The following OTOGL variants were observed in gnomAD, a reference collection of about 807,000 sequenced individuals.
The protein encoded by OTOGL is otogelin-like protein.
OTOGL carries 285 observed loss-of-function variants against 318.5 expected under a neutral mutation model. The observed-to-expected ratio is 0.89, with a 90% CI of 0.81 to 0.99. The LOEUF is 0.99. OTOGL is among the 50% of genes least tolerant of loss of function. OTOGL has a pLI of 0.00. For missense variants in OTOGL, 2,899 were observed against 2,845.6 expected (o/e 1.02, Z -0.43); for synonymous variants, 987 against 936.5 (o/e 1.05, Z -0.99).
intron 7 of OTOGL, 27 bp downstream of exon 7, chr12:80,222,272 T>G (rs749152932): frequency 6.6e-7 from 1 of 1,523,490 alleles, no homozygotes; most frequent in African/African-American, 1.4e-5. Context: ...CATGATTAAC[T>G]TAAAAATATT....
intron 11 of OTOGL, among the ~76,000 whole-genome samples, chr12:80,240,258 AG>A (rs1482538910): frequency 2.0e-5 from 3 of 152,034 alleles, no homozygotes; most frequent in African/African-American, 7.2e-5. Flanking sequence ...GTGGATTGCT[AG>A]ATTATATATG....
intron 1 of OTOGL, among the ~76,000 whole-genome samples, chr12:80,156,525 T>A (rs1873130168): frequency 6.6e-6 from 1 of 152,208 alleles, no homozygotes. Flanking sequence ...ACAGGTCTCA[T>A]CTTGAATTCC....
intron 33 of OTOGL, among the ~76,000 whole-genome samples, chr12:80,319,664 G>A (rs765441362): frequency 5.9e-5 from 9 of 151,956 alleles, no homozygotes; most frequent in East Asian, 1.9e-4. Context: ...TTGATTTTAC[G>A]ATTAGTAATA....
At chr12:80,190,354 TAA>T (rs1005971200) in intron 1 of OTOGL, among the ~76,000 whole-genome samples, 31 of 152,230 alleles carry the variant, frequency 2.0e-4, no homozygotes, top group African/African-American at 7.0e-4. Flanking sequence ...ACAAAATAAT[TAA>T]AGCTGAGTTC....
At chr12:80,102,962 T>C (rs376666111) in intron 1 of OTOGL, 10 of 884,800 alleles carry the variant, frequency 1.1e-5, no homozygotes, top group East Asian at 9.6e-5. Context: ...CTTGGCGAGA[T>C]TTGGCTTTCC....
Position 80,255,189 on chromosome 12 carries a change from A to G in OTOGL, c.1587+4A>G, listed in dbSNP as rs1881929479. The stretch of plus-strand genomic sequence containing the variant: ...ACAGAAAGCTCCCTGTGAGCAGGTA[A>G]GAACATTTCAAAATGACCAGAGGAA... On this transcript the variant is annotated splice_donor_region_variant and intron_variant, in intron 16 of 58. Transcript: ENST00000547103. 2 of 1,474,446 alleles carry G rather than the reference A, an allele frequency of 1.4e-6. No individual in the cohort carries two copies. The highest frequency in any genetic ancestry group is 1.8e-6 in the Non-Finnish European group (2 of 1,116,752). The allele number at this position is 1,474,446 out of a possible 1,614,324, so 91.3% of individuals were successfully genotyped here. A position where few individuals can be genotyped will look rare whatever the true frequency, so the allele number is the denominator to read the frequency against.
chr12:80,240,012 C>T (rs1317973379), intron 11 of OTOGL, among the ~76,000 whole-genome samples: 4 of 152,102 alleles, frequency 2.6e-5, no homozygotes, highest in African/African-American at 9.7e-5. Context: ...TTTCACTTAA[C>T]ATAGTGACCT....
intron 1 of OTOGL, among the ~76,000 whole-genome samples, chr12:80,106,571 C>G (rs1273422829): frequency 6.6e-6 from 1 of 152,090 alleles, no homozygotes; most frequent in Non-Finnish European, 1.5e-5. Context: ...CATATTATAA[C>G]AGGAGTTGAA....
intron 1 of OTOGL, among the ~76,000 whole-genome samples, chr12:80,195,645 T>G (rs914916024): frequency 1.3e-5 from 2 of 152,160 alleles, no homozygotes; most frequent in Non-Finnish European, 2.9e-5. Context: ...TATCAGTCTG[T>G]GGGGCCCACT....
intron 1 of OTOGL, among the ~76,000 whole-genome samples, chr12:80,168,027 G>A (rs1014576912): frequency 3.4e-5 from 5 of 145,970 alleles, no homozygotes; most frequent in South Asian, 2.2e-4. Context: ...CAGTGATCTC[G>A]GCTCACTGCA....
intron 1 of OTOGL, among the ~76,000 whole-genome samples, chr12:80,116,311 C>G (rs1870161152): frequency 6.6e-6 from 1 of 151,984 alleles, no homozygotes. Context: ...AGAGAGTTCC[C>G]CGACCCCTTG....
intron 1 of OTOGL, among the ~76,000 whole-genome samples, chr12:80,170,620 G>C (rs1431706563): frequency 6.6e-6 from 1 of 152,062 alleles, no homozygotes; most frequent in Non-Finnish European, 1.5e-5. Flanking sequence ...TTTTAGAAGA[G>C]ATGGGGTTTC....
At chr12:80,202,358 C>A (rs572816970) in intron 1 of OTOGL, among the ~76,000 whole-genome samples, 1 of 151,516 alleles carries the variant, frequency 6.6e-6, no homozygotes, top group South Asian at 2.1e-4. Context: ...GCAACCTCCA[C>A]CTCCCAGGTT....
intron 37 of OTOGL, among the ~76,000 whole-genome samples, chr12:80,331,848 A>G (rs1888092405): frequency 1.3e-5 from 2 of 152,208 alleles, no homozygotes; most frequent in Non-Finnish European, 2.9e-5. Flanking sequence ...TGTAATCACA[A>G]ATTTCCTTAA....
chr12:80,244,822 G>A (rs1268115869), intron 11 of OTOGL, among the ~76,000 whole-genome samples: 4 of 143,316 alleles, frequency 2.8e-5, no homozygotes, highest in Non-Finnish European at 6.0e-5. Context: ...ATCCTCTCCA[G>A]CACCTGTTGT....
At chr12:80,270,045 G>GA (rs11324174) in intron 22 of OTOGL, 57 bp from the exon 23 acceptor site, 1,001 of 884,524 alleles carry the variant, frequency 1.1e-3, no homozygotes, top group African/African-American at 1.7e-3. Flanking sequence ...GAAATTCAGG[G>GA]AAAAAAAAAA....
At chr12:80,108,880 GTGTATATATA>G (rs1235987867) in intron 1 of OTOGL, among the ~76,000 whole-genome samples, 15 of 133,410 alleles carry the variant, frequency 1.1e-4, no homozygotes, top group Non-Finnish European at 1.6e-4. Flanking sequence ...GTGTATATAT[GTGTATATATA>G]TGTGTATATA....
chr12:80,147,765 A>T lies in OTOGL; in HGVS notation c.-20+48160A>T, dbSNP rs1198442424. On this transcript the variant is annotated intron_variant, in intron 1 of 58. Coordinates refer to ENST00000547103, the MANE Select transcript of OTOGL (RefSeq NM_001378609.3). ...TGTATTGGGTGCATATATATTTAGG[A>T]TAGTTAGCTCTTCTTGTTGAATTGA... Among the ~76,000 whole-genome samples, 3 of 152,238 alleles carry T rather than the reference A, an allele frequency of 2.0e-5. No individual in the cohort carries two copies. In the South Asian group the frequency reaches 6.2e-4, roughly 32 times the overall value.
At chr12:80,291,254 T>C (rs1885024746) in intron 26 of OTOGL, among the ~76,000 whole-genome samples, 1 of 152,228 alleles carries the variant, frequency 6.6e-6, no homozygotes, top group African/African-American at 2.4e-5. Flanking sequence ...TTTTTCTCTC[T>C]CTCAGTTCCT....
Sources: allele counts gnomAD v4.1 joint callset (sites outside exome capture counted in the v4.1 genomes callset), GRCh38; gene constraint gnomAD v4.1.1; transcripts MANE v1.5; gene names NCBI Gene and HGNC (gene_info 2026-07-23, HGNC 2026-07-21).